The following FGF14 variants were observed in gnomAD, a reference collection of about 807,000 sequenced individuals.
The protein encoded by FGF14 is fibroblast growth factor homologous factor 4.
Under a neutral mutation model 25.5 loss-of-function variants are expected in FGF14, and 5 were observed. The observed-to-expected ratio is 0.20, with a 90% CI of 0.10 to 0.41. The LOEUF (loss-of-function observed/expected upper bound fraction) is 0.41. Ranked by LOEUF, FGF14 falls within the 10% of genes least tolerant of loss-of-function variation. The pLI is 1.00. For missense variants in FGF14, 222 were observed against 320.1 expected, an observed-to-expected ratio of 0.69 and a Z score of 2.34; for synonymous variants, 138 against 118.3, an observed-to-expected ratio of 1.17 and a Z score of -1.08.
chr13:102,191,845 A>G (rs2049136192), intron 1 of FGF14, among the ~76,000 whole-genome samples: 1 of 152,214 alleles, frequency 6.6e-6, no homozygotes, highest in Non-Finnish European at 1.5e-5. Context: ...TGTGCTTCCA[A>G]ATTACAACAG....
chr13:102,001,358 C>T lies in FGF14; in HGVS notation c.209-126062G>A, dbSNP rs1442471408. The stretch of plus-strand genomic sequence containing the variant: ...GAACAAAATTTTTGAGTGATGGATG[C>T]TCACCAAGAAAGCCTTATGACAGGA... On this transcript the variant is annotated intron_variant, in intron 1 of 4. Coordinates refer to the FGF14 transcript ENST00000376131. Among the ~76,000 whole-genome samples the T allele has an allele frequency of 5.3e-5, 8 of 152,124 alleles. No individual in the cohort carries two copies. In the East Asian group the frequency reaches 1.5e-3, roughly 29 times the overall value.
At chr13:101,812,640 TATATATA>T (rs1343611922) in intron 3 of FGF14, among the ~76,000 whole-genome samples, 58 of 13,580 alleles carry the variant, frequency 4.3e-3, no homozygotes, top group Non-Finnish European at 6.9e-3. Context: ...TATATATATA[TATATATA>T]TATATATTTT....
intron 1 of FGF14, among the ~76,000 whole-genome samples, chr13:102,161,570 A>AAGAAAG: frequency 3.5e-4 from 2 of 5,652 alleles, no homozygotes. Context: ...TTCTGTGAAG[A>AAGAAAG]AAGAAAGAAG....
intron 1 of FGF14, among the ~76,000 whole-genome samples, chr13:102,262,598 A>G (rs1483040474): frequency 1.3e-5 from 2 of 152,154 alleles, no homozygotes; most frequent in African/African-American, 4.8e-5. Flanking sequence ...ATCCATGCAC[A>G]TATCTGTTAA....
intron 1 of FGF14, among the ~76,000 whole-genome samples, chr13:102,048,018 T>TAA (rs3066009): frequency 5.6e-5 from 8 of 142,954 alleles, no homozygotes; most frequent in African/African-American, 1.8e-4. Context: ...CTTAGTTGTT[T>TAA]AAAAAAAAAA....
intron 1 of FGF14, among the ~76,000 whole-genome samples, chr13:102,380,662 G>T (rs2058162462): frequency 6.6e-6 from 1 of 152,140 alleles, no homozygotes; most frequent in Admixed American, 6.6e-5. Flanking sequence ...TTTTGCAAGA[G>T]ACATTTAATA....
intron 1 of FGF14, among the ~76,000 whole-genome samples, chr13:101,987,820 C>T (rs1171191110): frequency 2.0e-5 from 3 of 151,942 alleles, no homozygotes; most frequent in Admixed American, 1.3e-4. Context: ...GTAGACATCA[C>T]CTGAGTCATT....
chr13:101,803,277 C>T (rs550598029), intron 3 of FGF14, among the ~76,000 whole-genome samples: 35 of 151,730 alleles, frequency 2.3e-4, no homozygotes, highest in Non-Finnish European at 4.3e-4. Context: ...CACAGCTGCA[C>T]GTCACTACAC....
At chr13:102,070,504 A>G (rs958243312) in intron 1 of FGF14, among the ~76,000 whole-genome samples, 1 of 152,214 alleles carries the variant, frequency 6.6e-6, no homozygotes, top group African/African-American at 2.4e-5. Flanking sequence ...TAGAAATCCC[A>G]TATGATCCAG....
At chr13:102,071,090 A>G (rs991431225) in intron 1 of FGF14, among the ~76,000 whole-genome samples, 2 of 152,216 alleles carry the variant, frequency 1.3e-5, no homozygotes. Flanking sequence ...AAAATCAGCC[A>G]AAGTACTTTC....
At chr13:102,393,728 G>A (rs1417361436) in intron 1 of FGF14, 1 of 152,138 alleles carries the variant, frequency 6.6e-6, no homozygotes, top group Non-Finnish European at 1.5e-5. Flanking sequence ...TAAAATACGC[G>A]TTTCTTCACC....
intron 1 of FGF14, among the ~76,000 whole-genome samples, chr13:102,321,453 A>G (rs2056240690): frequency 6.6e-6 from 1 of 152,232 alleles, no homozygotes; most frequent in Non-Finnish European, 1.5e-5. Flanking sequence ...AATTTGAAAC[A>G]TAATGCTTCC....
chr13:102,343,155 A>G (rs1377310311), intron 1 of FGF14, among the ~76,000 whole-genome samples: 9 of 152,154 alleles, frequency 5.9e-5, no homozygotes, highest in Admixed American at 5.9e-4. Flanking sequence ...ACGCAGAGAT[A>G]ATAAGAGCTT....
intron 1 of FGF14, among the ~76,000 whole-genome samples, chr13:102,031,338 T>C (rs2041197385): frequency 6.6e-6 from 1 of 152,126 alleles, no homozygotes; most frequent in African/African-American, 2.4e-5. Context: ...TTACACACCA[T>C]TTATTCCTCA....
rs182073625 is a variant in FGF14 at position 101,818,989 on chromosome 13, C to T, written c.408+49736G>A. ...ATTGTGAAGCTTACCCCCCAGGTTA[C>T]AATCTGGGTCCTCTTGAGCAGTTAC... On this transcript the variant is annotated intron_variant, in intron 3 of 4. Coordinates refer to ENST00000376143, the MANE Select transcript of FGF14 (RefSeq NM_004115.4). Among the ~76,000 whole-genome samples the T allele has an allele frequency of 4.1e-3, 618 of 152,286 alleles. 3 individuals carry two copies. The highest frequency in any genetic ancestry group is 7.1e-3 in the Non-Finnish European group (484 of 68,024).
intron 1 of FGF14, among the ~76,000 whole-genome samples, chr13:102,159,045 C>A (rs1420507460): frequency 6.8e-6 from 1 of 147,284 alleles, no homozygotes; most frequent in Non-Finnish European, 1.5e-5. Flanking sequence ...GAGGCCGAGG[C>A]AGGAGAATCA....
At chr13:102,360,811 C>A (rs1380767279) in intron 1 of FGF14, among the ~76,000 whole-genome samples, 1 of 152,000 alleles carries the variant, frequency 6.6e-6, no homozygotes, top group African/African-American at 2.4e-5. Flanking sequence ...GTGTCTTAAC[C>A]AAGCCAGTTC....
intron 1 of FGF14, among the ~76,000 whole-genome samples, chr13:102,271,398 C>G (rs944237638): frequency 6.6e-6 from 1 of 152,158 alleles, no homozygotes; most frequent in African/African-American, 2.4e-5. Context: ...TCTCTAAATA[C>G]TCCATGAACA....
intron 1 of FGF14, among the ~76,000 whole-genome samples, chr13:102,383,466 A>G (rs962169861): frequency 6.6e-6 from 1 of 152,162 alleles, no homozygotes; most frequent in African/African-American, 2.4e-5. Context: ...TATTTTCAAC[A>G]TATTACTATC....
Sources: gnomAD v4.1 joint callset for allele counts (sites outside exome capture counted in the v4.1 genomes callset) on GRCh38, gnomAD v4.1.1 for gene constraint, MANE v1.5 for transcripts, NCBI Gene and HGNC (gene_info 2026-07-23, HGNC 2026-07-21) for gene names.